The following TOP2B variants were observed in gnomAD, a reference collection of about 807,000 sequenced individuals.
TOP2B encodes DNA topoisomerase 2-beta.
A neutral mutation model predicts 193.5 loss-of-function variants in TOP2B; 51 were observed. That is an observed-to-expected ratio of 0.26 (90% confidence interval 0.21 to 0.33). The LOEUF (loss-of-function observed/expected upper bound fraction) is 0.33. Among genes scored for constraint, TOP2B ranks in the 10% least tolerant of loss-of-function variants. TOP2B has a pLI of 1.00. For synonymous variants in TOP2B, 634 were observed against 635.7 expected (o/e 1.00, Z 0.04); for missense variants, 1,378 against 1,909.3 (o/e 0.72, Z 5.19).
intron 1 of TOP2B, among the ~76,000 whole-genome samples, chr3:25,653,447 T>C (rs1225382172): frequency 6.6e-6 from 1 of 151,720 alleles, no homozygotes; most frequent in Non-Finnish European, 1.5e-5. Context: ...CACACTGGAG[T>C]GCAGTGGCAT....
chr3:25,658,820 C>T (rs938625924), intron 1 of TOP2B, among the ~76,000 whole-genome samples: 4 of 152,092 alleles, frequency 2.6e-5, no homozygotes, highest in African/African-American at 7.2e-5. Context: ...TTTTTCAGAA[C>T]GACTATACAC....
intron 4 of TOP2B, among the ~76,000 whole-genome samples, chr3:25,641,345 A>T (rs946411211): frequency 1.3e-5 from 2 of 152,234 alleles, no homozygotes; most frequent in Non-Finnish European, 2.9e-5. Flanking sequence ...CTCCTAAAAC[A>T]TAATAAATGA....
intron 30 of TOP2B, among the ~76,000 whole-genome samples, chr3:25,608,258 C>T (rs775460927): frequency 2.6e-5 from 4 of 152,042 alleles, no homozygotes; most frequent in Non-Finnish European, 5.9e-5. Context: ...TACCAATTAT[C>T]GTGAAAGGCA....
chr3:25,598,286 A>ATGTT lies in TOP2B; in HGVS notation c.*17_*20dup, dbSNP rs528154103. ...GACAACACAAGATATTTGTTGAAAA[A>ATGTT]TGTTTGTGCTCTTTGGGCACTTAAT... On this transcript the variant is annotated 3_prime_UTR_variant, in exon 36 of 36. Coordinates refer to ENST00000264331, the MANE Select transcript of TOP2B (RefSeq NM_001330700.2). 2.8e-4 allele frequency: 440 copies of ATGTT among 1,584,252 alleles called. 1 individual carries two copies. The East Asian group carries it at 6.0e-3, about 21-fold the overall frequency.
chr3:25,634,136 C>A, intron 7 of TOP2B, 122 bp from the exon 8 acceptor site: 1 of 703,310 alleles, frequency 1.4e-6, no homozygotes, highest in Non-Finnish European at 2.3e-6. Context: ...TGCACCGATC[C>A]AAACCTTAGT....
intron 33 of TOP2B, 119 bp from the exon 34 acceptor site, chr3:25,601,344 G>T: frequency 7.9e-7 from 1 of 1,264,510 alleles, no homozygotes; most frequent in Non-Finnish European, 1.1e-6. Flanking sequence ...CTGGCTGGGC[G>T]TGGTGGCTCA....
rs958035258 is a variant in TOP2B, at chr3:25,598,776, G to A, written c.4711-299C>T. The stretch of plus-strand genomic sequence containing the variant: ...ACCCAAAAAGTATGCACAATGCCCA[G>A]ATTAGTAAAAATTCAAGCTGTCCTA... On this transcript the variant is annotated intron_variant, in intron 35 of 35. Coordinates refer to ENST00000264331, the MANE Select transcript of TOP2B (RefSeq NM_001330700.2). 4.6e-5 allele frequency among the ~76,000 whole-genome samples: 7 copies of A among 152,216 alleles called. No individual in the cohort carries two copies. In the East Asian group the frequency reaches 9.6e-4, roughly 21 times the overall value.
rs374156857 is a variant in TOP2B at position 25,664,770 on chromosome 3, C to T, written c.-473G>A. 19 of 986,308 alleles carry T rather than the reference C, an allele frequency of 1.9e-5. No homozygotes were observed. The South Asian group carries it at 2.8e-4, about 14-fold the overall frequency. The allele number at this position is 986,308 out of a possible 1,614,324, so 61.1% of individuals were successfully genotyped here. On this transcript the variant is annotated 5_prime_UTR_variant, in exon 1 of 36. Transcript: ENST00000264331. ...GCCAGAGTAGTCGTCCCGGTCGCCG[C>T]CGCTGCTTCAAAGGCAGCCTTAGCC...
intron 21 of TOP2B, among the ~76,000 whole-genome samples, chr3:25,621,853 G>A (rs555718246): frequency 6.6e-6 from 1 of 152,098 alleles, no homozygotes; most frequent in South Asian, 2.1e-4. Flanking sequence ...GACAGGCATG[G>A]TGGCGCACAC....
intron 27 of TOP2B, among the ~76,000 whole-genome samples, 162 bp downstream of exon 27, chr3:25,615,043 G>A (rs1702468924): frequency 6.6e-6 from 1 of 151,912 alleles, no homozygotes; most frequent in African/African-American, 2.4e-5. Flanking sequence ...CATACAAGAA[G>A]TTCTTTATAA....
intron 1 of TOP2B, among the ~76,000 whole-genome samples, chr3:25,654,965 A>G (rs1431311952): frequency 6.6e-6 from 1 of 152,218 alleles, no homozygotes; most frequent in African/African-American, 2.4e-5. Flanking sequence ...AGAAGGAAAC[A>G]TAAAGGAAAA....
At chr3:25,635,225 T>G (rs1703072937) in intron 7 of TOP2B, among the ~76,000 whole-genome samples, 1 of 152,012 alleles carries the variant, frequency 6.6e-6, no homozygotes, top group Admixed American at 6.6e-5. Context: ...AAAACAAACT[T>G]CAAACACAGC....
intron 1 of TOP2B, among the ~76,000 whole-genome samples, chr3:25,653,536 A>G (rs1362555014): frequency 4.0e-5 from 6 of 151,688 alleles, no homozygotes; most frequent in Non-Finnish European, 8.8e-5. Flanking sequence ...CCTCCTTAAT[A>G]CCCCACAACC....
At chr3:25,611,180 C>A (rs574742999) in intron 28 of TOP2B, among the ~76,000 whole-genome samples, 2 of 152,212 alleles carry the variant, frequency 1.3e-5, no homozygotes, top group South Asian at 4.1e-4. Flanking sequence ...AAGCTCTGGG[C>A]ATAGATAAGG....
chr3:25,637,066 C>T, intron 6 of TOP2B, 149 bp downstream of exon 6: 1 of 640,094 alleles, frequency 1.6e-6, no homozygotes, highest in Non-Finnish European at 2.7e-6. Flanking sequence ...TCTGATGTCT[C>T]TTTACTCTGA....
intron 10 of TOP2B, among the ~76,000 whole-genome samples, chr3:25,631,716 T>C (rs1702964149): frequency 6.6e-6 from 1 of 152,040 alleles, no homozygotes; most frequent in African/African-American, 2.4e-5. Context: ...AAACAATTGT[T>C]ATGAGGACAG....
chr3:25,637,299 A>G lies in TOP2B; in HGVS notation c.555T>C (p.Gly185=). The G allele has an allele frequency of 6.4e-7, 1 of 1,552,926 alleles. No homozygotes were observed. Among genetic ancestry groups the G allele is most frequent in the East Asian group, 2.4e-5 (1 of 42,042 alleles). The change falls in exon 6 of 36, where the codon GGT becomes GGC. Residue 185 remains glycine (G), a synonymous_variant. Transcript: ENST00000264331. ...AAATATTACAAAGTTTTGCACCATAACCATTACGACCACCTGTAAGAAAAA... is the reference window on the plus strand; with the variant it reads ...AAATATTACAAAGTTTTGCACCATAGCCATTACGACCACCTGTAAGAAAAA... The part of the protein sequence containing the change: ...DEKKVTGGRN[G]YGAKLCNIFS...
chr3:25,607,020 T>C (rs1702252056), intron 31 of TOP2B, 151 bp downstream of exon 31: 1 of 1,161,266 alleles, frequency 8.6e-7, no homozygotes, highest in Non-Finnish European at 1.2e-6. Context: ...GCAACTGTGA[T>C]GGGAACAGCT....
At chr3:25,644,618 T>C (rs929936985) in intron 2 of TOP2B, among the ~76,000 whole-genome samples, 1 of 149,266 alleles carries the variant, frequency 6.7e-6, no homozygotes, top group Admixed American at 6.7e-5. Context: ...GGAGAATCGT[T>C]TGAACCCAGG....
Sources: allele counts gnomAD v4.1 joint callset (sites outside exome capture counted in the v4.1 genomes callset), GRCh38; gene constraint gnomAD v4.1.1; transcripts MANE v1.5; gene names NCBI Gene and HGNC (gene_info 2026-07-23, HGNC 2026-07-21).